The following PTPRN2 variants were observed in gnomAD, a reference collection of about 807,000 sequenced individuals.
PTPRN2 encodes receptor-type tyrosine-protein phosphatase N2.
PTPRN2 carries 74 observed loss-of-function variants against 118.8 expected under a neutral mutation model. The observed-to-expected ratio is 0.62, with a 90% CI of 0.52 to 0.76. PTPRN2 has a LOEUF of 0.76. Among genes scored for constraint, PTPRN2 ranks in the 30% least tolerant of loss-of-function variants. The pLI, the probability that PTPRN2 is intolerant of heterozygous loss-of-function variation, is 0.00. For missense variants in PTPRN2, 1,481 were observed against 1,394.4 expected (o/e 1.06, Z -0.99); for synonymous variants, 641 against 608.0 (o/e 1.05, Z -0.80).
intron 2 of PTPRN2, among the ~76,000 whole-genome samples, chr7:158,329,758 C>A (rs1034320394): frequency 5.3e-5 from 8 of 152,144 alleles, no homozygotes; most frequent in Non-Finnish European, 1.0e-4. Context: ...GGAACTTGCT[C>A]AGAGTTGGCC....
intron 2 of PTPRN2, among the ~76,000 whole-genome samples, chr7:158,326,036 G>GC (rs1453548217): frequency 1.3e-5 from 2 of 152,308 alleles, no homozygotes; most frequent in Admixed American, 6.5e-5. Context: ...CAGCAACGTT[G>GC]CAGGGCTCAG....
chr7:158,439,505 GAGA>G (rs540172354), intron 2 of PTPRN2, among the ~76,000 whole-genome samples: 139 of 152,296 alleles, frequency 9.1e-4, no homozygotes, highest in African/African-American at 2.9e-3. Flanking sequence ...GGAGAAGGAA[GAGA>G]AGAAGAAGAG....
At chr7:157,906,318 G>A (rs758858562) in intron 11 of PTPRN2, among the ~76,000 whole-genome samples, 114 of 152,242 alleles carry the variant, frequency 7.5e-4, no homozygotes, top group Non-Finnish European at 1.5e-3. Flanking sequence ...GGGCCCAGGC[G>A]AGCTGCCGTG....
intron 5 of PTPRN2, among the ~76,000 whole-genome samples, chr7:158,181,522 C>A (rs1824704312): frequency 6.6e-6 from 1 of 152,160 alleles, no homozygotes; most frequent in Non-Finnish European, 1.5e-5. Context: ...GGTACCAATT[C>A]TTTGAGTGTC....
At chr7:157,972,409 C>T (rs934558124) in intron 11 of PTPRN2, among the ~76,000 whole-genome samples, 11 of 152,202 alleles carry the variant, frequency 7.2e-5, no homozygotes, top group Admixed American at 2.6e-4. Flanking sequence ...CAGCTCAGGA[C>T]GAGAGAATGC....
In PTPRN2 at chr7:157,588,727, C is replaced by T. The variant is rs553427913; in HGVS notation, c.2496+6511G>A. 1.1e-4 allele frequency among the ~76,000 whole-genome samples: 16 copies of T among 152,294 alleles called. No homozygotes were observed. In the South Asian group the frequency reaches 1.7e-3, roughly 16 times the overall value. On this transcript the variant is annotated intron_variant, in intron 17 of 22. Transcript: ENST00000389418. ...CTGGAAATGCCGAGGTCACTGCTGCCGGATCTCTCTTTTCTGTTTATAGAG... is the reference window on the plus strand; with the variant it reads ...CTGGAAATGCCGAGGTCACTGCTGCTGGATCTCTCTTTTCTGTTTATAGAG...
chr7:158,320,544 G>A (rs2335554), intron 2 of PTPRN2, among the ~76,000 whole-genome samples: 6 of 53,592 alleles, frequency 1.1e-4, no homozygotes, highest in South Asian at 4.9e-4. Context: ...GTGTTCCCGC[G>A]TCCTCGGCAG....
At chr7:158,098,721 G>A (rs1271484525) in intron 10 of PTPRN2, among the ~76,000 whole-genome samples, 3 of 152,310 alleles carry the variant, frequency 2.0e-5, no homozygotes, top group Admixed American at 1.3e-4. Flanking sequence ...GGAAGAAGAA[G>A]GACGTTTATC....
chr7:157,943,333 C>A (rs191582387), intron 11 of PTPRN2, among the ~76,000 whole-genome samples: 49 of 152,276 alleles, frequency 3.2e-4, no homozygotes, highest in Admixed American at 5.2e-4. Flanking sequence ...CCCATGCCCC[C>A]TCCCATGCCC....
intron 12 of PTPRN2, among the ~76,000 whole-genome samples, chr7:157,796,248 C>T: frequency 6.6e-6 from 1 of 152,244 alleles, no homozygotes; most frequent in East Asian, 1.9e-4. Flanking sequence ...ACTTGTGGCG[C>T]TTTTCTTTCC....
At position 158,228,032 on chromosome 7, in the gene PTPRN2, T is replaced by A. The variant is rs140914178; in HGVS notation, c.278-22759A>T. On this transcript the variant is annotated intron_variant, in intron 3 of 22. Coordinates refer to ENST00000389418, the MANE Select transcript of PTPRN2 (RefSeq NM_002847.5). ...GTATATCAAATAGAAATGGAACCTATACATTCAAGACATTAAAAAGCTCTA... is the reference window on the plus strand; with the variant it reads ...GTATATCAAATAGAAATGGAACCTAAACATTCAAGACATTAAAAAGCTCTA... Among the ~76,000 whole-genome samples, 429 of 152,326 alleles carry A rather than the reference T, an allele frequency of 2.8e-3. 5 individuals carry two copies. Among genetic ancestry groups the A allele is most frequent in the African/African-American group, 9.9e-3 (412 of 41,588 alleles).
Position 158,424,557 on chromosome 7 carries a change from G to A in PTPRN2, c.163+65178C>T, listed in dbSNP as rs561766940. Reference sequence around the variant, plus strand: ...CTGGCTACATTCAAACAAATCATATGTGTGTACGGAACAGGCTCATACACA... The same window carrying A: ...CTGGCTACATTCAAACAAATCATATATGTGTACGGAACAGGCTCATACACA... On this transcript the variant is annotated intron_variant, in intron 2 of 22. Transcript: ENST00000389418. Among the ~76,000 whole-genome samples, 36 of 152,334 alleles carry A rather than the reference G, an allele frequency of 2.4e-4. No individual in the cohort carries two copies. The East Asian group carries it at 4.3e-3, about 18-fold the overall frequency.
intron 6 of PTPRN2, among the ~76,000 whole-genome samples, chr7:158,157,279 G>C (rs976558909): frequency 4.6e-5 from 7 of 152,212 alleles, no homozygotes; most frequent in African/African-American, 1.7e-4. Flanking sequence ...GGTGCCTTTA[G>C]GTGCCCTGCC....
chr7:157,694,004 G>C (rs1340053442), intron 12 of PTPRN2, among the ~76,000 whole-genome samples: 1 of 152,280 alleles, frequency 6.6e-6, no homozygotes, highest in Non-Finnish European at 1.5e-5. Flanking sequence ...GCGGCCACGG[G>C]GCCGGCGACC....
In PTPRN2 at chr7:157,990,895, C is replaced by G. The variant is rs920706620; in HGVS notation, c.1723+90403G>C. ...TGGGGAGGGGGGCCGAGTCTCCAGT[C>G]AGGCAGAGAGAGCTGCTGGTGTCAA... On this transcript the variant is annotated intron_variant, in intron 11 of 22. Transcript: ENST00000389418. The surrounding 1 kb of genome is among the most constrained non-coding windows in gnomAD (Gnocchi z 4.3). Among the ~76,000 whole-genome samples, 1 of 152,190 alleles carries G rather than the reference C, an allele frequency of 6.6e-6. No individual in the cohort carries two copies. Among genetic ancestry groups the G allele is most frequent in the African/African-American group, 2.4e-5 (1 of 41,450 alleles).
In PTPRN2 at chr7:157,842,481, C is replaced by T. The variant is rs529314461; in HGVS notation, c.1788+56192G>A. 3.1e-3 allele frequency among the ~76,000 whole-genome samples: 419 copies of T among 134,580 alleles called. 1 individual carries two copies. The highest frequency in any genetic ancestry group is 8.8e-3 in the Admixed American group (98 of 11,108). 88.3% of individuals were successfully genotyped at this position (134,580 alleles called of 152,430 possible). On this transcript the variant is annotated intron_variant, in intron 12 of 22. Transcript: ENST00000389418. ...CCAGGCTGGAGTGCAGTGGCATGAT[C>T]TTGGCTCACCGCAACCTCCACCTCC...
chr7:158,154,300 C>G (rs1432071127), intron 6 of PTPRN2, among the ~76,000 whole-genome samples: 1 of 152,254 alleles, frequency 6.6e-6, no homozygotes, highest in Non-Finnish European at 1.5e-5. Flanking sequence ...CTTCCAGCCT[C>G]ATGAGCCCTC....
chr7:157,950,285 C>T (rs1050038767), intron 11 of PTPRN2, among the ~76,000 whole-genome samples: 18 of 152,168 alleles, frequency 1.2e-4, no homozygotes, highest in East Asian at 1.9e-4. Flanking sequence ...GTGGGAAATA[C>T]AAACCCGCAG....
chr7:158,546,279 T>C lies in PTPRN2; in HGVS notation c.112+41279A>G, dbSNP rs551227798. On this transcript the variant is annotated intron_variant, in intron 1 of 22. Transcript: ENST00000389418. The surrounding 1 kb of genome is among the most constrained non-coding windows in gnomAD (Gnocchi z 5.0). Reference sequence around the variant, plus strand: ...GACAGAGACGGCTCCTTCCACTGGATGTACAGAGCGCTTCCAGCAGCTTGA... The same window carrying C: ...GACAGAGACGGCTCCTTCCACTGGACGTACAGAGCGCTTCCAGCAGCTTGA... Among the ~76,000 whole-genome samples, 1 of 152,286 alleles carries C rather than the reference T, an allele frequency of 6.6e-6. No individual in the cohort carries two copies. The highest frequency in any genetic ancestry group is 6.5e-5 in the Admixed American group (1 of 15,306).
Sources: allele counts gnomAD v4.1 joint callset (sites outside exome capture counted in the v4.1 genomes callset), GRCh38; gene constraint gnomAD v4.1.1; non-coding constraint Gnocchi (gnomAD v3.1); transcripts MANE v1.5; gene names NCBI Gene and HGNC (gene_info 2026-07-23, HGNC 2026-07-21).